The following MOB3C variants were observed in gnomAD, a reference collection of about 807,000 sequenced individuals.
MOB3C encodes the protein MOB kinase activator 3C.
A neutral mutation model predicts 19.8 loss-of-function variants in MOB3C; 17 were observed. The observed-to-expected ratio is 0.86, with a 90% CI of 0.59 to 1.29. The LOEUF (loss-of-function observed/expected upper bound fraction) is 1.29, where lower values mean the gene tolerates loss of function less well. MOB3C is among the 50% of genes most tolerant of loss of function. MOB3C has a pLI of 0.00. For synonymous variants in MOB3C, 101 were observed against 119.2 expected, an observed-to-expected ratio of 0.85 and a Z score of 0.99; for missense variants, 291 against 301.9, an observed-to-expected ratio of 0.96 and a Z score of 0.27.
chr1:46,611,502 G>C lies in MOB3C; in HGVS notation c.419-1298C>G, dbSNP rs540318024. Among the ~76,000 whole-genome samples the C allele has an allele frequency of 1.9e-4, 29 of 152,300 alleles. No homozygotes were observed. Among genetic ancestry groups the C allele is most frequent in the African/African-American group, 7.0e-4 (29 of 41,554 alleles). ...CCAGGGTTTTAGGCATCGATACCTG[G>C]AGTCCCACAGGCCCAGGGAGGTATG... On this transcript the variant is annotated intron_variant, in intron 2 of 3. Coordinates refer to ENST00000319928, the MANE Select transcript of MOB3C (RefSeq NM_201403.3). The surrounding 1 kb of genome is among the most constrained non-coding windows in gnomAD (Gnocchi z 4.1).
Position 46,609,587 on chromosome 1 carries a change from G to C in MOB3C, c.*68C>G, listed in dbSNP as rs551211868. On this transcript the variant is annotated 3_prime_UTR_variant, in exon 4 of 4. Coordinates refer to ENST00000319928, the MANE Select transcript of MOB3C (RefSeq NM_201403.3). The stretch of plus-strand genomic sequence containing the variant: ...CTTCAGATTCCTTCAGGCTCCTGGG[G>C]GTCCCCTCTGCCAGCCACCCTATGT... 44 of 1,596,162 alleles carry C rather than the reference G, an allele frequency of 2.8e-5. No individual in the cohort carries two copies. Among genetic ancestry groups the C allele is most frequent in the Non-Finnish European group, 3.3e-5 (38 of 1,164,026 alleles).
rs574459735 is a variant in MOB3C at position 46,611,198 on chromosome 1, C to G, written c.419-994G>C. Among the ~76,000 whole-genome samples, 60 of 152,348 alleles carry G rather than the reference C, an allele frequency of 3.9e-4. No individual in the cohort carries two copies. The highest frequency in any genetic ancestry group is 2.5e-3 in the South Asian group (12 of 4,826). On this transcript the variant is annotated intron_variant, in intron 2 of 3. Coordinates refer to ENST00000319928, the MANE Select transcript of MOB3C (RefSeq NM_201403.3). This position sits in a 1 kb window ranked among gnomAD's most constrained non-coding sequence, Gnocchi z 4.1. ...AGGCCTTGTGCTGGGCCCTTCACACCTTTTGCCTCTAATCCTTAGAACAAT... is the reference window on the plus strand; with the variant it reads ...AGGCCTTGTGCTGGGCCCTTCACACGTTTTGCCTCTAATCCTTAGAACAAT...
Position 46,613,376 on chromosome 1 carries a change from C to T in MOB3C, c.-50-5G>A, listed in dbSNP as rs1675507654. ...GGGCTCGGACCTGAGGATACCCTGC[C>T]AGGGACAAGGGCATAGGGGAGCTGG... On this transcript the variant is annotated splice_polypyrimidine_tract_variant and splice_region_variant and intron_variant, in intron 1 of 3. Transcript: ENST00000319928. The T allele has an allele frequency of 1.3e-6, 2 of 1,592,426 alleles. No individual in the cohort carries two copies. The highest frequency in any genetic ancestry group is 1.7e-6 in the Non-Finnish European group (2 of 1,175,914).
chr1:46,608,131 C>T lies in MOB3C; in HGVS notation c.*1524G>A, dbSNP rs1675398559. ...TTGCTCAAAGCAGAAACAGTTGTGTCCTAGAGAGGGTCTGTTAAACCCTCT... is the reference window on the plus strand; with the variant it reads ...TTGCTCAAAGCAGAAACAGTTGTGTTCTAGAGAGGGTCTGTTAAACCCTCT... On this transcript the variant is annotated 3_prime_UTR_variant, in exon 4 of 4. Coordinates refer to ENST00000319928, the MANE Select transcript of MOB3C (RefSeq NM_201403.3). The surrounding 1 kb of genome is among the most constrained non-coding windows in gnomAD (Gnocchi z 4.5). 6.6e-6 allele frequency: 1 copy of T among 152,234 alleles called. No individual in the cohort carries two copies. Among genetic ancestry groups the T allele is most frequent in the African/African-American group, 2.4e-5 (1 of 41,448 alleles). 9.4% of individuals were successfully genotyped at this position (152,234 alleles called of 1,614,324 possible).
chr1:46,613,295 G>A lies in MOB3C; in HGVS notation c.27C>T (p.Phe9=). Residue 9 remains phenylalanine, a synonymous_variant, in exon 2 of 4, where the codon TTC becomes TTT. Transcript: ENST00000319928. ...GCGGCCGGAACGTCTTGTCCTTGGC[G>A]AACACCTGCTTCAGGCACAGGGCCA... is the stretch of plus-strand genomic sequence containing the variant. The part of the protein sequence containing the change: MALCLKQV[F]AKDKTFRPRK... 1 of 1,608,016 alleles carries A rather than the reference G, an allele frequency of 6.2e-7. No individual in the cohort carries two copies. Among genetic ancestry groups the A allele is most frequent in the East Asian group, 2.2e-5 (1 of 44,892 alleles).
At position 46,609,445 on chromosome 1, in the gene MOB3C, G is replaced by T; in HGVS notation, c.*210C>A. On this transcript the variant is annotated 3_prime_UTR_variant, in exon 4 of 4. Coordinates refer to ENST00000319928, the MANE Select transcript of MOB3C (RefSeq NM_201403.3). ...AGAGGTTTAACTCCACTTCCCTTCT[G>T]TTTGCCTGCCTAGATGCTCTCCCCT... 2 of 641,938 alleles carry T rather than the reference G, an allele frequency of 3.1e-6. No homozygotes were observed. The highest frequency in any genetic ancestry group is 3.7e-5 in the South Asian group (2 of 54,460). 39.8% of individuals were successfully genotyped at this position (641,938 alleles called of 1,614,324 possible).
Position 46,616,257 on chromosome 1 carries a change from G to A in MOB3C, c.-51+454C>T, listed in dbSNP as rs991765854. ...CTACCACTCCTTGGGCCTGGCCCAG[G>A]ATCTGGGCCAGAGGATGGCCCCAGT... On this transcript the variant is annotated intron_variant, in intron 1 of 3. Coordinates refer to ENST00000319928, the MANE Select transcript of MOB3C (RefSeq NM_201403.3). The A allele has an allele frequency of 7.2e-5, 11 of 152,442 alleles. No individual in the cohort carries two copies. In the East Asian group the frequency reaches 2.1e-3, roughly 29 times the overall value. 9.4% of individuals were successfully genotyped at this position (152,442 alleles called of 1,614,324 possible). A position where few individuals can be genotyped will look rare whatever the true frequency, so the allele number is the denominator to read the frequency against.
rs1353157163 is a variant in MOB3C, at chr1:46,609,781, C to T, written c.622-97G>A. On this transcript the variant is annotated intron_variant, in intron 3 of 3. Coordinates refer to ENST00000319928, the MANE Select transcript of MOB3C (RefSeq NM_201403.3). ...GGCCTAGCTGCTCTTCTGTCTGAGC[C>T]TGGCCTTCCCCCAGCAACCCCAACT... 6 of 1,518,246 alleles carry T rather than the reference C, an allele frequency of 4.0e-6. No homozygotes were observed. The African/African-American group carries it at 8.3e-5, about 21-fold the overall frequency. 94.0% of individuals were successfully genotyped at this position (1,518,246 alleles called of 1,614,324 possible).
At position 46,609,590 on chromosome 1, in the gene MOB3C, C is replaced by T. The variant is rs1675426624; in HGVS notation, c.*65G>A. 1.2e-6 allele frequency: 2 copies of T among 1,602,462 alleles called. No individual in the cohort carries two copies. Among genetic ancestry groups the T allele is most frequent in the Non-Finnish European group, 1.7e-6 (2 of 1,169,698 alleles). On this transcript the variant is annotated 3_prime_UTR_variant, in exon 4 of 4. Transcript: ENST00000319928. ...CAGATTCCTTCAGGCTCCTGGGGGT[C>T]CCCTCTGCCAGCCACCCTATGTTCA...
At chr1:46,610,317 T>C in intron 2 of MOB3C, 113 bp from the exon 3 acceptor site, 1 of 826,904 alleles carries the variant, frequency 1.2e-6, no homozygotes, top group Non-Finnish European at 2.0e-6. Flanking sequence ...GCACACTTTT[T>C]AGTACACTTC....
At chr1:46,616,076 C>G (rs1449122973) in intron 1 of MOB3C, 1 of 152,544 alleles carries the variant, frequency 6.6e-6, no homozygotes, top group Non-Finnish European at 1.5e-5. Flanking sequence ...CACTGCCGTT[C>G]CCCGTCCTAG....
At chr1:46,613,413 T>G in intron 1 of MOB3C, 42 bp from the exon 2 acceptor site, 2 of 1,520,020 alleles carry the variant, frequency 1.3e-6, no homozygotes, top group African/African-American at 1.4e-5. Context: ...GGTCAAGGCC[T>G]TATCATCTGG....
chr1:46,608,772 C>A lies in MOB3C; in HGVS notation c.*883G>T, dbSNP rs1675410373. Reference sequence around the variant, plus strand: ...GATTCCCAGATGAAGGGCCAGGGGACCTTTGTGTACTTGAGGGATCATCTC... The same window carrying A: ...GATTCCCAGATGAAGGGCCAGGGGAACTTTGTGTACTTGAGGGATCATCTC... On this transcript the variant is annotated 3_prime_UTR_variant, in exon 4 of 4. Transcript: ENST00000319928. This position sits in a 1 kb window ranked among gnomAD's most constrained non-coding sequence, Gnocchi z 4.5. The A allele has an allele frequency of 1.3e-5, 2 of 152,566 alleles. No individual in the cohort carries two copies. Among genetic ancestry groups the A allele is most frequent in the South Asian group, 4.1e-4 (2 of 4,828 alleles). 9.5% of individuals were successfully genotyped at this position (152,566 alleles called of 1,614,324 possible). A position where few individuals can be genotyped will look rare whatever the true frequency, so the allele number is the denominator to read the frequency against.
intron 1 of MOB3C, 124 bp from the exon 2 acceptor site, chr1:46,613,495 G>T: frequency 1.1e-6 from 1 of 947,882 alleles, no homozygotes; most frequent in Non-Finnish European, 1.5e-6. Context: ...CCTCTGCCTG[G>T]AATCTAAGTC....
In MOB3C at chr1:46,609,577, G is replaced by A; in HGVS notation, c.*78C>T. 1 of 1,574,920 alleles carries A rather than the reference G, an allele frequency of 6.3e-7. No individual in the cohort carries two copies. The highest frequency in any genetic ancestry group is 1.7e-5 in the Admixed American group (1 of 59,742). Reference sequence around the variant, plus strand: ...ATTCCAGTGCCTTCAGATTCCTTCAGGCTCCTGGGGGTCCCCTCTGCCAGC... The same window carrying A: ...ATTCCAGTGCCTTCAGATTCCTTCAAGCTCCTGGGGGTCCCCTCTGCCAGC... On this transcript the variant is annotated 3_prime_UTR_variant, in exon 4 of 4. Coordinates refer to ENST00000319928, the MANE Select transcript of MOB3C (RefSeq NM_201403.3).
At chr1:46,615,069 C>T (rs12029680) in intron 1 of MOB3C, 420,679 of 1,601,444 alleles carry the variant, frequency 0.26, 59,062 homozygotes, top group African/African-American at 0.49. Flanking sequence ...GAGATTTCTG[C>T]GCTTCATTTG....
In MOB3C at chr1:46,611,458, T is replaced by A. The variant is rs1183819485; in HGVS notation, c.419-1254A>T. Among the ~76,000 whole-genome samples the A allele has an allele frequency of 1.3e-5, 2 of 152,206 alleles. No individual in the cohort carries two copies. Among genetic ancestry groups the A allele is most frequent in the East Asian group, 3.8e-4 (2 of 5,196 alleles). ...AGAGATCTTGGTGGCTTATGCCCTCTTCTCTGTGTGGCAGTCACCCAGGGT... is the reference window on the plus strand; with the variant it reads ...AGAGATCTTGGTGGCTTATGCCCTCATCTCTGTGTGGCAGTCACCCAGGGT... On this transcript the variant is annotated intron_variant, in intron 2 of 3. Transcript: ENST00000319928. This position sits in a 1 kb window ranked among gnomAD's most constrained non-coding sequence, Gnocchi z 4.1.
At chr1:46,609,931 G>A (rs1430824514) in intron 3 of MOB3C, 71 bp downstream of exon 3, 13 of 1,566,630 alleles carry the variant, frequency 8.3e-6, no homozygotes, top group Non-Finnish European at 1.1e-5. Flanking sequence ...GTTACTTAAA[G>A]CAGGCAGCTT....
rs1351552566 is a variant in MOB3C at position 46,613,213 on chromosome 1, A to T, written c.109T>A (p.Ser37Thr). 3 of 1,614,170 alleles carry T rather than the reference A, an allele frequency of 1.9e-6. No homozygotes were observed. The highest frequency in any genetic ancestry group is 1.7e-6 in the Non-Finnish European group (2 of 1,180,022). The change falls in exon 2 of 4, where the codon TCT becomes ACT. Residue 37 changes from serine to threonine, a missense_variant. Coordinates refer to ENST00000319928, the MANE Select transcript of MOB3C (RefSeq NM_201403.3). ...CGCAGGTCCAGGCCCGACTTGAGAGAGGCCTGTGCCTTCTTGTACAGCTCA... is the reference window on the plus strand; with the variant it reads ...CGCAGGTCCAGGCCCGACTTGAGAGTGGCCTGTGCCTTCTTGTACAGCTCA... ...RFELYKKAQA[S>T]LKSGLDLRSV... is the part of the protein sequence containing the mutation.
Sources: gnomAD v4.1 joint callset for allele counts (sites outside exome capture counted in the v4.1 genomes callset) on GRCh38, gnomAD v4.1.1 for gene constraint, Gnocchi (gnomAD v3.1) non-coding constraint, MANE v1.5 for transcripts, NCBI Gene and HGNC (gene_info 2026-07-23, HGNC 2026-07-21) for gene names.